Variants in NAV3 observed in about 807,000 individuals in gnomAD.
NAV3 encodes the protein neuron navigator 3.
In NAV3, 87 loss-of-function variants were observed where a neutral mutation model predicts 244.7. That is an observed-to-expected ratio of 0.36 (90% confidence interval 0.30 to 0.42). The LOEUF (loss-of-function observed/expected upper bound fraction) is 0.42. Ranked by LOEUF, NAV3 falls within the 20% of genes least tolerant of loss-of-function variation. The pLI, the probability that NAV3 is intolerant of heterozygous loss-of-function variation, is 1.00. For missense variants in NAV3, 2,663 were observed against 2,893.3 expected (o/e 0.92, Z 1.83); for synonymous variants, 1,126 against 1,042.2 (o/e 1.08, Z -1.55).
chr12:77,960,448 TATACAC>T (rs1454260735), intron 3 of NAV3, among the ~76,000 whole-genome samples: 2 of 86,754 alleles, frequency 2.3e-5, no homozygotes, highest in East Asian at 4.5e-4. Flanking sequence ...TATATATATA[TATACAC>T]ACACACACAC....
chr12:77,696,346 A>G (rs1235442828), intron 2 of NAV3, among the ~76,000 whole-genome samples: 2 of 152,148 alleles, frequency 1.3e-5, no homozygotes, highest in Non-Finnish European at 2.9e-5. Flanking sequence ...ACAAGCTGCT[A>G]TGTTGGAGAG....
chr12:77,734,868 A>G (rs1205416443), intron 2 of NAV3, among the ~76,000 whole-genome samples: 1 of 152,176 alleles, frequency 6.6e-6, no homozygotes, highest in East Asian at 1.9e-4. Context: ...CAACAGAATT[A>G]CTACTGAAGG....
In NAV3 at chr12:77,953,280, C is replaced by T. The variant is rs141857183; in HGVS notation, c.414+12147C>T. 1.7e-4 allele frequency among the ~76,000 whole-genome samples: 26 copies of T among 152,256 alleles called. No homozygotes were observed. The South Asian group carries it at 2.7e-3, about 16-fold the overall frequency. ...CTATGTCTATACAGCTAGTCACAGACACACACAACTCTGTTCTAGCATACA... is the reference window on the plus strand; with the variant it reads ...CTATGTCTATACAGCTAGTCACAGATACACACAACTCTGTTCTAGCATACA... On this transcript the variant is annotated intron_variant, in intron 3 of 39. Transcript: ENST00000397909.
chr12:77,984,450 A>G (rs1198681060), intron 5 of NAV3, among the ~76,000 whole-genome samples: 2 of 151,508 alleles, frequency 1.3e-5, no homozygotes, highest in South Asian at 2.1e-4. Flanking sequence ...TAGAATATTT[A>G]CAGTGCCTCC....
chr12:77,886,094 G>A (rs546756036), intron 1 of NAV3, among the ~76,000 whole-genome samples: 3 of 151,938 alleles, frequency 2.0e-5, no homozygotes, highest in Non-Finnish European at 4.4e-5. Context: ...TCTCAATCCA[G>A]GCTTACTGTC....
At chr12:77,664,587 G>A (rs187558967) in intron 2 of NAV3, among the ~76,000 whole-genome samples, 29 of 152,180 alleles carry the variant, frequency 1.9e-4, no homozygotes, top group African/African-American at 6.5e-4. Context: ...CAGATGATAA[G>A]GTTTACACTT....
At chr12:77,922,530 G>A (rs1374964098) in intron 1 of NAV3, among the ~76,000 whole-genome samples, 1 of 152,046 alleles carries the variant, frequency 6.6e-6, no homozygotes, top group Non-Finnish European at 1.5e-5. Flanking sequence ...GTGTTGCTCA[G>A]ACATTCTGGA....
intron 37 of NAV3, 146 bp from the exon 38 acceptor site, chr12:78,200,327 A>G: frequency 2.1e-6 from 1 of 466,958 alleles, no homozygotes; most frequent in South Asian, 5.2e-5. Flanking sequence ...TTCAGTAAAC[A>G]TGCTTTAATA....
intron 1 of NAV3, among the ~76,000 whole-genome samples, chr12:77,832,381 G>A (rs1326301660): frequency 6.6e-6 from 1 of 152,076 alleles, no homozygotes; most frequent in Admixed American, 6.6e-5. Flanking sequence ...CTCCAGTCAC[G>A]CATGCTAGAA....
intron 12 of NAV3, among the ~76,000 whole-genome samples, chr12:78,066,050 A>G (rs1248663821): frequency 6.6e-6 from 1 of 152,114 alleles, no homozygotes; most frequent in Non-Finnish European, 1.5e-5. Flanking sequence ...ATTGGATCAC[A>G]AGAGTGGAGC....
intron 1 of NAV3, among the ~76,000 whole-genome samples, chr12:77,884,516 A>T (rs896866223): frequency 6.6e-6 from 1 of 152,116 alleles, no homozygotes; most frequent in African/African-American, 2.4e-5. Flanking sequence ...CCTGGAGCCC[A>T]AAAGCTGGAG....
At chr12:78,048,869 G>C (rs771272603) in intron 9 of NAV3, among the ~76,000 whole-genome samples, 1 of 152,178 alleles carries the variant, frequency 6.6e-6, no homozygotes, top group Non-Finnish European at 1.5e-5. Context: ...AGTTTTATCT[G>C]TAAGCCCCTG....
chr12:78,114,327 G>T (rs1566151228), intron 12 of NAV3, among the ~76,000 whole-genome samples: 1 of 152,096 alleles, frequency 6.6e-6, no homozygotes, highest in Non-Finnish European at 1.5e-5. Flanking sequence ...TTACAGCAGT[G>T]CCCCACTCCT....
At chr12:77,961,798 G>T (rs917511732) in intron 3 of NAV3, among the ~76,000 whole-genome samples, 2 of 139,872 alleles carry the variant, frequency 1.4e-5, no homozygotes, top group Admixed American at 1.5e-4. Context: ...TTACATTCTG[G>T]CTGGTCCTCT....
At chr12:77,707,257 G>A (rs1303148858) in intron 2 of NAV3, among the ~76,000 whole-genome samples, 2 of 136,168 alleles carry the variant, frequency 1.5e-5, no homozygotes, top group Non-Finnish European at 3.0e-5. Context: ...CCCATCCTGT[G>A]TCCAAGTGTT....
chr12:77,668,340 G>A (rs1417446253), intron 2 of NAV3, among the ~76,000 whole-genome samples: 1 of 151,966 alleles, frequency 6.6e-6, no homozygotes, highest in Non-Finnish European at 1.5e-5. Flanking sequence ...TAATCAAGGA[G>A]GCACCAGAGA....
In NAV3 at chr12:78,143,294, G is replaced by A. The variant is rs147362585; in HGVS notation, c.4683+2960G>A. 4.0e-5 allele frequency: 18 copies of A among 449,818 alleles called. No individual in the cohort carries two copies. In the East Asian group the frequency reaches 1.3e-3, roughly 33 times the overall value. The allele number at this position is 449,818 out of a possible 1,614,324, so 27.9% of individuals were successfully genotyped here. Reference sequence around the variant, plus strand: ...GGAAATCACAAGCCTAACCTGATCTGCAGAGGTGTTACCTTTGGCAAACTT... The same window carrying A: ...GGAAATCACAAGCCTAACCTGATCTACAGAGGTGTTACCTTTGGCAAACTT... On this transcript the variant is annotated intron_variant, in intron 20 of 39. Transcript: ENST00000397909.
intron 2 of NAV3, among the ~76,000 whole-genome samples, chr12:77,722,265 A>G (rs1303642505): frequency 6.6e-6 from 1 of 152,054 alleles, no homozygotes; most frequent in African/African-American, 2.4e-5. Flanking sequence ...TGACTAACAT[A>G]CTTTATTTGA....
intron 12 of NAV3, among the ~76,000 whole-genome samples, chr12:78,071,603 G>T (rs567545980): frequency 3.9e-5 from 6 of 152,100 alleles, no homozygotes; most frequent in Non-Finnish European, 7.4e-5. Context: ...CATTGCTTTT[G>T]GTGTTTCAGA....
Sources: allele counts gnomAD v4.1 joint callset (sites outside exome capture counted in the v4.1 genomes callset), GRCh38; gene constraint gnomAD v4.1.1; transcripts MANE v1.5; gene names NCBI Gene and HGNC (gene_info 2026-07-23, HGNC 2026-07-21).